The following CD81 variants were observed in gnomAD, a reference collection of about 807,000 sequenced individuals.
CD81 encodes the protein CD81 molecule, also known as CD81 antigen.
A neutral mutation model predicts 30.1 loss-of-function variants in CD81; 10 were observed. The ratio of observed to expected loss-of-function variants is 0.33; its 90% confidence interval spans 0.21 to 0.56. The LOEUF is 0.56. Among genes scored for constraint, CD81 ranks in the 20% least tolerant of loss-of-function variants. The pLI, the probability that CD81 is intolerant of heterozygous loss-of-function variation, is 0.89. For missense variants in CD81, 263 were observed against 308.7 expected, an observed-to-expected ratio of 0.85 and a Z score of 1.11; for synonymous variants, 147 against 126.4, an observed-to-expected ratio of 1.16 and a Z score of -1.10.
intron 6 of CD81, chr11:2,396,176 C>T (rs958630406): frequency 3.4e-5 from 21 of 624,016 alleles, no homozygotes; most frequent in Middle Eastern, 8.4e-4. Flanking sequence ...CTGCGCATTC[C>T]GGGTGAAGAA....
At position 2,394,987 on chromosome 11, in the gene CD81, G is replaced by T. The variant is rs765264121; in HGVS notation, c.295G>T (p.Val99Phe). 9 of 1,612,802 alleles carry T rather than the reference G, an allele frequency of 5.6e-6. No individual in the cohort carries two copies. The highest frequency in any genetic ancestry group is 6.8e-6 in the Non-Finnish European group (8 of 1,179,970). Residue 99 changes from valine (V) to phenylalanine (F), a missense_variant, in exon 4 of 8, where the codon GTC becomes TTC. Transcript: ENST00000263645. ...CCGGCTCCAGTTCTTCACCTGCCTG[G>T]TCATCCTGTTTGCCTGTGAGGTGGC... ...CLLGTFFTCL[V>F]ILFACEVAAG...
In CD81 at chr11:2,386,519, C is replaced by T. The variant is rs1352993890; in HGVS notation, c.67-3893C>T. ...CCGCCTCCGTTTCCTCATCCAGAAA[C>T]CGGCAGTGACCATCACCACCATTGT... On this transcript the variant is annotated intron_variant, in intron 1 of 7. Transcript: ENST00000263645. 4.2e-6 allele frequency: 3 copies of T among 715,030 alleles called. No homozygotes were observed. In the Admixed American group the frequency reaches 6.0e-5, roughly 14 times the overall value. 44.3% of individuals were successfully genotyped at this position (715,030 alleles called of 1,614,324 possible). A position where few individuals can be genotyped will look rare whatever the true frequency, so the allele number is the denominator to read the frequency against.
At chr11:2,395,163 G>T in intron 4 of CD81, 117 bp downstream of exon 4, 1 of 877,896 alleles carries the variant, frequency 1.1e-6, no homozygotes, top group Non-Finnish European at 1.9e-6. Flanking sequence ...GCTCTTCCTG[G>T]GTCCCACTTG....
At chr11:2,380,989 G>C (rs1849695147) in intron 1 of CD81, among the ~76,000 whole-genome samples, 1 of 152,354 alleles carries the variant, frequency 6.6e-6, no homozygotes, top group Admixed American at 6.5e-5. Context: ...CTTCCAGACA[G>C]CACATGACTG....
At chr11:2,393,950 G>A in intron 2 of CD81, 145 bp from the exon 3 acceptor site, 1 of 720,098 alleles carries the variant, frequency 1.4e-6, no homozygotes, top group Non-Finnish European at 2.5e-6. Flanking sequence ...GGGATGTGAG[G>A]TCCCTTGCTG....
intron 6 of CD81, 84 bp downstream of exon 6, chr11:2,396,054 C>A: frequency 1.1e-6 from 1 of 886,176 alleles, no homozygotes; most frequent in Non-Finnish European, 1.9e-6. Flanking sequence ...GGTCACACGG[C>A]AGCCCCACAG....
chr11:2,389,574 G>C (rs540011508), intron 1 of CD81, among the ~76,000 whole-genome samples: 1 of 152,234 alleles, frequency 6.6e-6, no homozygotes, highest in South Asian at 2.1e-4. Flanking sequence ...GGCGTTGAAG[G>C]CCTCTCCTCT....
intron 1 of CD81, chr11:2,386,453 T>C (rs967470256): frequency 1.2e-5 from 8 of 685,354 alleles, no homozygotes; most frequent in Admixed American, 2.0e-5. Context: ...GATTTGGTGC[T>C]GCCATTGCCC....
intron 2 of CD81, chr11:2,392,330 C>T (rs963559825): frequency 6.6e-6 from 1 of 152,376 alleles, no homozygotes; most frequent in Non-Finnish European, 1.5e-5. Flanking sequence ...AGGCCTCCTT[C>T]CTGCGCCCCA....
intron 1 of CD81, among the ~76,000 whole-genome samples, chr11:2,387,873 A>G (rs1325766129): frequency 6.6e-6 from 1 of 151,712 alleles, no homozygotes; most frequent in Non-Finnish European, 1.5e-5. Context: ...TTGAGTTGAA[A>G]CTCCCATAGG....
rs1849636831 is a variant in CD81 at position 2,378,309 on chromosome 11, TC to T, written c.66+696del. On this transcript the variant is annotated intron_variant, in intron 1 of 7. Transcript: ENST00000263645. This position sits in a 1 kb window ranked among gnomAD's most constrained non-coding sequence, Gnocchi z 4.9. ...TCTCCCTCTCCTCACCCAGACACGTTCCAGCGGAGGCCTCCTCCCAGAAGGG... is the reference window on the plus strand; with the variant it reads ...TCTCCCTCTCCTCACCCAGACACGTTCAGCGGAGGCCTCCTCCCAGAAGGG... Among the ~76,000 whole-genome samples the T allele has an allele frequency of 6.6e-6, 1 of 152,034 alleles. No homozygotes were observed. Among genetic ancestry groups the T allele is most frequent in the Non-Finnish European group, 1.5e-5 (1 of 67,982 alleles).
At chr11:2,389,726 G>GTT (rs150933562) in intron 1 of CD81, among the ~76,000 whole-genome samples, 11,399 of 152,062 alleles carry the variant, frequency 0.075, 1,197 homozygotes, top group African/African-American at 0.23. Flanking sequence ...TTCCTCCCAA[G>GTT]TCCCTTCCCA....
In CD81 at chr11:2,394,132, G is replaced by A; in HGVS notation, c.219G>A (p.Met73Ile). 1 of 1,613,348 alleles carries A rather than the reference G, an allele frequency of 6.2e-7. No individual in the cohort carries two copies. The highest frequency in any genetic ancestry group is 1.3e-5 in the African/African-American group (1 of 75,032). ...YILIAVGAVM[M>I]FVGFLGCYGA... ...TCATCGCTGTGGGCGCTGTCATGAT[G>A]TTCGTTGGCTTCCTGGGCTGCTACG... Residue 73 changes from methionine to isoleucine, a missense_variant, in exon 3 of 8, where the codon ATG (methionine) becomes ATA (isoleucine). Around this residue, in one of 3 missense-constraint regions of CD81, gnomAD observed 84 missense variants for 98.2 expected, o/e 0.86. Transcript: ENST00000263645.
chr11:2,395,416 A>G lies in CD81; in HGVS notation c.355A>G (p.Ile119Val). 1 of 1,611,818 alleles carries G rather than the reference A, an allele frequency of 6.2e-7. No individual in the cohort carries two copies. Among genetic ancestry groups the G allele is most frequent in the Middle Eastern group, 1.6e-4 (1 of 6,062 alleles). ...GIWGFVNKDQ[I>V]AKDVKQFYDQ... ...GCATGTGACCGCACCCCTCCCCCAG[A>G]TCGCCAAGGATGTGAAGCAGTTCTA... Residue 119 changes from isoleucine (I) to valine (V), a missense_variant and splice_region_variant, in exon 5 of 8, where the codon ATC (isoleucine) becomes GTC (valine). Around this residue, in one of 3 missense-constraint regions of CD81, gnomAD observed 176 missense variants for 192.9 expected, o/e 0.91. Coordinates refer to ENST00000263645, the MANE Select transcript of CD81 (RefSeq NM_004356.4).
At chr11:2,381,514 C>G (rs1219975786) in intron 1 of CD81, among the ~76,000 whole-genome samples, 1 of 152,240 alleles carries the variant, frequency 6.6e-6, no homozygotes, top group African/African-American at 2.4e-5. Context: ...GAGACAGACC[C>G]CAAAAGATCC....
chr11:2,376,615 T>C (rs1325545179), upstream of CD81, among the ~76,000 whole-genome samples: 1 of 152,178 alleles, frequency 6.6e-6, no homozygotes, highest in Non-Finnish European at 1.5e-5. Flanking sequence ...ATAGATGCAA[T>C]ATCTGGAGGT....
intron 1 of CD81, among the ~76,000 whole-genome samples, chr11:2,384,295 G>T (rs1010785646): frequency 2.0e-5 from 3 of 148,964 alleles, no homozygotes; most frequent in Non-Finnish European, 4.5e-5. Context: ...GGGGCGGCTT[G>T]TGGGGCGGGG....
intron 4 of CD81, 66 bp downstream of exon 4, chr11:2,395,112 G>A: frequency 7.2e-7 from 1 of 1,380,768 alleles, no homozygotes; most frequent in Non-Finnish European, 1.0e-6. Context: ...CCTGTCGCGG[G>A]TGGGGGTTGG....
In CD81 at chr11:2,388,360, C is replaced by A. The variant is rs575089243; in HGVS notation, c.67-2052C>A. Among the ~76,000 whole-genome samples, 83 of 152,268 alleles carry A rather than the reference C, an allele frequency of 5.5e-4. 1 individual carries two copies. The South Asian group carries it at 0.013, about 24-fold the overall frequency. ...GGCCCTAGACCCTAGACCGGCCTGACCGGGGGGTCCTCAGGCCGGGGACTT... is the reference window on the plus strand; with the variant it reads ...GGCCCTAGACCCTAGACCGGCCTGAACGGGGGGTCCTCAGGCCGGGGACTT... On this transcript the variant is annotated intron_variant, in intron 1 of 7. Coordinates refer to ENST00000263645, the MANE Select transcript of CD81 (RefSeq NM_004356.4).
Sources: gnomAD v4.1 joint callset for allele counts (sites outside exome capture counted in the v4.1 genomes callset) on GRCh38, gnomAD v4.1.1 for gene constraint, gnomAD v4.1.1 regional missense constraint, Gnocchi (gnomAD v3.1) non-coding constraint, MANE v1.5 for transcripts, NCBI Gene and HGNC (gene_info 2026-07-23, HGNC 2026-07-21) for gene names.